Variants in CACNA1E observed in about 807,000 individuals in gnomAD.
CACNA1E encodes voltage-dependent R-type calcium channel subunit alpha-1E.
A neutral mutation model predicts 259.2 loss-of-function variants in CACNA1E; 40 were observed. That is an observed-to-expected ratio of 0.15 (90% CI 0.12 to 0.20). The LOEUF (loss-of-function observed/expected upper bound fraction) is 0.20, where lower values mean the gene tolerates loss of function less well. Among genes scored for constraint, CACNA1E ranks in the 10% least tolerant of loss-of-function variants. CACNA1E has a pLI of 1.00. For missense variants in CACNA1E, 1,874 were observed against 3,040.1 expected (o/e 0.62, Z 9.02); for synonymous variants, 1,104 against 1,138.5 (o/e 0.97, Z 0.61).
intron 6 of CACNA1E, among the ~76,000 whole-genome samples, chr1:181,649,829 A>C (rs1658599995): frequency 6.6e-6 from 1 of 152,180 alleles, no homozygotes; most frequent in South Asian, 2.1e-4. Context: ...ATAGAGAGGA[A>C]CAACACACTG....
At chr1:181,755,932 C>T (rs761149248) in intron 28 of CACNA1E, 24 bp from the exon 29 acceptor site, 75 of 1,608,494 alleles carry the variant, frequency 4.7e-5, no homozygotes, top group Non-Finnish European at 6.3e-5. Context: ...AGGAGGCTCT[C>T]TTTCATTTCT....
chr1:181,432,619 A>G (rs1279930774), intron 2 of CACNA1E, among the ~76,000 whole-genome samples: 1 of 152,172 alleles, frequency 6.6e-6, no homozygotes, highest in Non-Finnish European at 1.5e-5. Context: ...TGCTTCCAGA[A>G]TTAAACATTT....
intron 2 of CACNA1E, among the ~76,000 whole-genome samples, chr1:181,458,976 GTC>G (rs913131128): frequency 6.6e-6 from 1 of 152,216 alleles, no homozygotes; most frequent in African/African-American, 2.4e-5. Context: ...AATATTGACA[GTC>G]TCTGCTCTCA....
At chr1:181,563,188 A>G (rs1353243634) in intron 3 of CACNA1E, among the ~76,000 whole-genome samples, 1 of 152,188 alleles carries the variant, frequency 6.6e-6, no homozygotes, top group African/African-American at 2.4e-5. Context: ...TCTTCTTTGC[A>G]AGTATGGGGA....
chr1:181,404,467 T>C (rs1413900807), intron 1 of CACNA1E, among the ~76,000 whole-genome samples: 1 of 152,240 alleles, frequency 6.6e-6, no homozygotes, highest in Non-Finnish European at 1.5e-5. Context: ...ATGAATTCTT[T>C]GGCTTAAAAA....
At chr1:181,767,816 C>A (rs560230911) in intron 35 of CACNA1E, among the ~76,000 whole-genome samples, 1 of 152,286 alleles carries the variant, frequency 6.6e-6, no homozygotes, top group Non-Finnish European at 1.5e-5. Flanking sequence ...AGAATTCCTG[C>A]TGAAGTTTCA....
At chr1:181,620,830 G>A (rs1655656525) in intron 6 of CACNA1E, among the ~76,000 whole-genome samples, 1 of 152,196 alleles carries the variant, frequency 6.6e-6, no homozygotes, top group African/African-American at 2.4e-5. Context: ...TTGGGCTTGA[G>A]CTGACCTTTG....
intron 46 of CACNA1E, among the ~76,000 whole-genome samples, chr1:181,796,025 A>G (rs2102899273): frequency 6.6e-6 from 1 of 152,230 alleles, no homozygotes; most frequent in South Asian, 2.1e-4. Flanking sequence ...TTATGCAGCC[A>G]TATTTATGAT....
At chr1:181,517,246 G>A (rs79782325) in intron 3 of CACNA1E, among the ~76,000 whole-genome samples, 128 of 152,290 alleles carry the variant, frequency 8.4e-4, no homozygotes, top group African/African-American at 3.0e-3. Flanking sequence ...CTGGGAGAAA[G>A]AATGCTATGT....
rs1658064437 is a variant in CACNA1E at position 181,756,043 on chromosome 1, C to G, written c.4077C>G (p.Ile1359Met). Reference protein sequence around the residue: ...KRHEFHYDNIIWALLTLFTVS... With the variant: ...KRHEFHYDNIMWALLTLFTVS... ...ATGAATTCCACTACGACAACATTAT[C>G]TGGGCCCTGCTGACCCTCTTCACCG... Residue 1359 changes from isoleucine to methionine, a missense_variant, in exon 29 of 48, where the codon ATC becomes ATG. By Grantham distance (10) the Ile-to-Met change is conservative (BLOSUM62 1). Around this residue, in one of 14 missense-constraint regions of CACNA1E, gnomAD observed 188 missense variants for 540.6 expected, o/e 0.35. Coordinates refer to ENST00000367573, the MANE Select transcript of CACNA1E (RefSeq NM_001205293.3). 6.2e-7 allele frequency: 1 copy of G among 1,613,780 alleles called. No individual in the cohort carries two copies. Among genetic ancestry groups the G allele is most frequent in the Non-Finnish European group, 8.5e-7 (1 of 1,179,836 alleles).
intron 18 of CACNA1E, among the ~76,000 whole-genome samples, chr1:181,729,579 C>T (rs1173377945): frequency 6.6e-6 from 1 of 152,238 alleles, no homozygotes; most frequent in Admixed American, 6.5e-5. Flanking sequence ...TCTATTTCCT[C>T]ATCTTTGAAA....
intron 1 of CACNA1E, among the ~76,000 whole-genome samples, chr1:181,325,498 C>T (rs1272706013): frequency 2.0e-5 from 3 of 152,162 alleles, no homozygotes; most frequent in Admixed American, 6.5e-5. Context: ...TTCTCATGCC[C>T]AGTCCCAGAC....
At chr1:181,475,061 A>G (rs532209852) in intron 2 of CACNA1E, among the ~76,000 whole-genome samples, 11 of 152,338 alleles carry the variant, frequency 7.2e-5, no homozygotes, top group African/African-American at 1.9e-4. Flanking sequence ...AGTCAGAGCT[A>G]GAATGTGTTA....
At chr1:181,488,529 G>A (rs796898766) in intron 1 of CACNA1E, among the ~76,000 whole-genome samples, 10 of 152,334 alleles carry the variant, frequency 6.6e-5, no homozygotes, top group African/African-American at 2.4e-4. Context: ...TTGATATGAA[G>A]TGTGGGTAAT....
At chr1:181,490,446 G>A (rs1664212285) in intron 1 of CACNA1E, among the ~76,000 whole-genome samples, 1 of 151,912 alleles carries the variant, frequency 6.6e-6, no homozygotes, top group Admixed American at 6.5e-5. Flanking sequence ...AAGCAGGTGG[G>A]TGGGGCTTGG....
intron 2 of CACNA1E, among the ~76,000 whole-genome samples, chr1:181,413,754 T>C (rs898375344): frequency 6.6e-6 from 1 of 152,232 alleles, no homozygotes; most frequent in Non-Finnish European, 1.5e-5. Context: ...GGTCAGTCCC[T>C]GATCTCACCA....
chr1:181,457,583 G>T (rs1173638121), intron 2 of CACNA1E, among the ~76,000 whole-genome samples: 2 of 152,180 alleles, frequency 1.3e-5, no homozygotes, highest in South Asian at 2.1e-4. Context: ...TCTGCAGGGG[G>T]AGCCTAGCAG....
At chr1:181,330,420 G>A (rs1484586740) in intron 1 of CACNA1E, among the ~76,000 whole-genome samples, 1 of 152,198 alleles carries the variant, frequency 6.6e-6, no homozygotes, top group Non-Finnish European at 1.5e-5. Flanking sequence ...GGGTCTTGGT[G>A]ATGCTGGCTG....
chr1:181,385,659 T>C (rs984282005), intron 1 of CACNA1E, among the ~76,000 whole-genome samples: 1 of 152,212 alleles, frequency 6.6e-6, no homozygotes, highest in Non-Finnish European at 1.5e-5. Flanking sequence ...GCAGGGACTT[T>C]GAATCCGTCA....
Sources: allele counts gnomAD v4.1 joint callset (sites outside exome capture counted in the v4.1 genomes callset), GRCh38; gene constraint gnomAD v4.1.1; regional missense constraint gnomAD v4.1.1; transcripts MANE v1.5; gene names NCBI Gene and HGNC (gene_info 2026-07-23, HGNC 2026-07-21).